Variants in CADPS2 observed in about 807,000 individuals in gnomAD.
The protein encoded by CADPS2 is calcium-dependent secretion activator 2.
CADPS2 carries 93 observed loss-of-function variants against 172.5 expected under a neutral mutation model. That is an observed-to-expected ratio of 0.54 (90% CI 0.46 to 0.64). The LOEUF is 0.64. Among genes scored for constraint, CADPS2 ranks in the 30% least tolerant of loss-of-function variants. The probability of loss-of-function intolerance (pLI) is 0.00; values close to 1 mark genes in which losing one functional copy is unlikely to be tolerated. For synonymous variants in CADPS2, 546 were observed against 555.2 expected, an observed-to-expected ratio of 0.98 and a Z score of 0.23; for missense variants, 1,420 against 1,565.9, an observed-to-expected ratio of 0.91 and a Z score of 1.57.
intron 17 of CADPS2, among the ~76,000 whole-genome samples, chr7:122,420,181 AT>A (rs1209361606): frequency 2.6e-5 from 4 of 152,220 alleles, no homozygotes; most frequent in Non-Finnish European, 5.9e-5. Context: ...AACTTTCTGA[AT>A]AAAAATCACA....
At chr7:122,465,548 A>G (rs1339166696) in intron 14 of CADPS2, among the ~76,000 whole-genome samples, 1 of 152,118 alleles carries the variant, frequency 6.6e-6, no homozygotes. Context: ...CCTGAACCCT[A>G]TCGTGAACTG....
chr7:122,415,993 T>A (rs2047860772), intron 18 of CADPS2, 68 bp downstream of exon 18: 2 of 932,630 alleles, frequency 2.1e-6, no homozygotes, highest in African/African-American at 3.3e-5. Context: ...GGCCACTTAT[T>A]CAGTGTAGCC....
intron 8 of CADPS2, among the ~76,000 whole-genome samples, chr7:122,528,277 G>A (rs2061447365): frequency 6.6e-6 from 1 of 152,052 alleles, no homozygotes; most frequent in African/African-American, 2.4e-5. Context: ...CAAGAATGGG[G>A]CAAGAATGTA....
At chr7:122,586,740 G>C (rs2133059160) in intron 6 of CADPS2, among the ~76,000 whole-genome samples, 1 of 151,658 alleles carries the variant, frequency 6.6e-6, no homozygotes, top group Admixed American at 6.6e-5. Context: ...TCATTATGTA[G>C]AAAAAAACAC....
At chr7:122,717,910 A>C (rs998772881) in intron 2 of CADPS2, among the ~76,000 whole-genome samples, 1 of 150,572 alleles carries the variant, frequency 6.6e-6, no homozygotes, top group Admixed American at 6.6e-5. Flanking sequence ...GCTGAGTTCA[A>C]GTGATCCTCT....
chr7:122,761,892 G>A (rs2093392812), intron 1 of CADPS2, among the ~76,000 whole-genome samples: 2 of 149,788 alleles, frequency 1.3e-5, no homozygotes, highest in Middle Eastern at 3.4e-3. Context: ...TAGCTACTAC[G>A]GAAGCTTGGG....
intron 7 of CADPS2, among the ~76,000 whole-genome samples, chr7:122,565,460 T>C (rs1369313111): frequency 6.6e-6 from 1 of 152,172 alleles, no homozygotes; most frequent in Non-Finnish European, 1.5e-5. Context: ...AGAGATGTTA[T>C]GTGACTTGTT....
intron 17 of CADPS2, among the ~76,000 whole-genome samples, chr7:122,421,831 G>A (rs955455275): frequency 6.6e-6 from 1 of 152,142 alleles, no homozygotes; most frequent in South Asian, 2.1e-4. Flanking sequence ...CAATAAGAAG[G>A]CTTTAAATTG....
chr7:122,805,711 G>A (rs1798652830), intron 1 of CADPS2, among the ~76,000 whole-genome samples: 2 of 152,168 alleles, frequency 1.3e-5, no homozygotes, highest in South Asian at 4.1e-4. Flanking sequence ...AATGTCAAGG[G>A]CTGGTGAAAG....
intron 15 of CADPS2, among the ~76,000 whole-genome samples, chr7:122,443,873 C>T (rs952362681): frequency 1.3e-5 from 2 of 151,588 alleles, no homozygotes; most frequent in African/African-American, 4.8e-5. Flanking sequence ...AGTATGTAGC[C>T]TTCATTTGTT....
At chr7:122,830,409 T>C (rs907882570) in intron 1 of CADPS2, among the ~76,000 whole-genome samples, 2 of 145,294 alleles carry the variant, frequency 1.4e-5, no homozygotes, top group African/African-American at 5.1e-5. Flanking sequence ...AAAAAAAAAA[T>C]CAAAGGATGC....
rs186819034 is a variant in CADPS2, at chr7:122,329,647, A to G, written c.3613-4066T>C. 3.6e-3 allele frequency among the ~76,000 whole-genome samples: 555 copies of G among 152,338 alleles called. 3 individuals are homozygous for G. Among genetic ancestry groups the G allele is most frequent in the Middle Eastern group, 0.01 (3 of 294 alleles). On this transcript the variant is annotated intron_variant, in intron 28 of 29. Transcript: ENST00000449022. Reference sequence around the variant, plus strand: ...CACAACTCTCCTTTTTACCTAATTTATAACATTTTGAGGATGATTCAATTA... The same window carrying G: ...CACAACTCTCCTTTTTACCTAATTTGTAACATTTTGAGGATGATTCAATTA...
intron 20 of CADPS2, among the ~76,000 whole-genome samples, chr7:122,402,919 CTAAT>C (rs2046144987): frequency 6.6e-6 from 1 of 152,156 alleles, no homozygotes. Context: ...GACAATAACT[CTAAT>C]TGGGTCAACA....
chr7:122,860,115 A>C (rs1310010094), intron 1 of CADPS2, among the ~76,000 whole-genome samples: 1 of 149,462 alleles, frequency 6.7e-6, no homozygotes, highest in Non-Finnish European at 1.5e-5. Context: ...CCCAAAGAAA[A>C]GAAAACCCCA....
chr7:122,653,720 C>T (rs2079430817), intron 3 of CADPS2, among the ~76,000 whole-genome samples: 1 of 152,130 alleles, frequency 6.6e-6, no homozygotes, highest in African/African-American at 2.4e-5. Context: ...CACAACATTT[C>T]AAACTCTTTC....
In CADPS2 at chr7:122,702,502, C is replaced by T. The variant is rs995901413; in HGVS notation, c.453+34453G>A. 3.7e-6 allele frequency: 6 copies of T among 1,613,654 alleles called. No individual in the cohort carries two copies. In the Admixed American group the frequency reaches 8.3e-5, roughly 22 times the overall value. On this transcript the variant is annotated intron_variant, in intron 2 of 29. Transcript: ENST00000449022. The stretch of plus-strand genomic sequence containing the variant: ...AATTGGTCAAAGGATGACAGGCATT[C>T]TGATTCCATCCTTCAGGAAGTGCCA...
intron 25 of CADPS2, chr7:122,378,661 G>C (rs1038137306): frequency 1.3e-5 from 2 of 151,994 alleles, no homozygotes; most frequent in Admixed American, 1.3e-4. Context: ...GAGAGCATGG[G>C]ATATATCTGC....
intron 6 of CADPS2, among the ~76,000 whole-genome samples, chr7:122,598,236 GA>G (rs1563815211): frequency 1.3e-5 from 2 of 151,698 alleles, no homozygotes; most frequent in African/African-American, 2.4e-5. Context: ...TTGCTACAAA[GA>G]TTTTTTTTTT....
At chr7:122,689,775 A>T (rs1320382275) in intron 2 of CADPS2, among the ~76,000 whole-genome samples, 2 of 152,144 alleles carry the variant, frequency 1.3e-5, no homozygotes, top group African/African-American at 2.4e-5. Flanking sequence ...TTATGTTTGC[A>T]CAAACCTCAG....
Sources: gnomAD v4.1 joint callset for allele counts (sites outside exome capture counted in the v4.1 genomes callset) on GRCh38, gnomAD v4.1.1 for gene constraint, MANE v1.5 for transcripts, NCBI Gene and HGNC (gene_info 2026-07-23, HGNC 2026-07-21) for gene names.